The following GDA variants were observed in gnomAD, a reference collection of about 807,000 sequenced individuals.
GDA encodes the protein cytoplasmic PSD-95 interactor.
A neutral mutation model predicts 59.6 loss-of-function variants in GDA; 18 were observed. The observed-to-expected ratio is 0.30, with a 90% CI of 0.21 to 0.45. The LOEUF is 0.45. Ranked by LOEUF, GDA falls within the 20% of genes least tolerant of loss-of-function variation. GDA has a pLI of 1.00. For missense variants in GDA, 427 were observed against 552.3 expected (o/e 0.77, Z 2.27); for synonymous variants, 201 against 201.1 (o/e 1.00, Z 0.00).
intron 2 of GDA, among the ~76,000 whole-genome samples, chr9:72,199,561 T>C (rs192513279): frequency 6.6e-6 from 1 of 152,202 alleles, no homozygotes; most frequent in Non-Finnish European, 1.5e-5. Context: ...CCAAATATTT[T>C]AAAAGGGCGC....
chr9:72,245,769 C>T (rs181715042), intron 12 of GDA, among the ~76,000 whole-genome samples: 57 of 152,206 alleles, frequency 3.7e-4, no homozygotes, highest in African/African-American at 1.2e-3. Context: ...CTACGAGAGG[C>T]GAGGCTCTTG....
intron 4 of GDA, among the ~76,000 whole-genome samples, chr9:72,213,424 G>C (rs746025289): frequency 3.9e-5 from 6 of 152,170 alleles, no homozygotes; most frequent in Non-Finnish European, 8.8e-5. Flanking sequence ...TTCTTAAGTG[G>C]TGTGATGGTG....
At chr9:72,153,186 T>G (rs960435741) in intron 1 of GDA, among the ~76,000 whole-genome samples, 11 of 152,040 alleles carry the variant, frequency 7.2e-5, no homozygotes, top group Non-Finnish European at 1.2e-4. Flanking sequence ...CTGTTTTGGT[T>G]ACTGTAGCCT....
intron 1 of GDA, among the ~76,000 whole-genome samples, chr9:72,128,506 C>T (rs1825922704): frequency 6.6e-6 from 1 of 152,066 alleles, no homozygotes. Flanking sequence ...ATAGCCATTA[C>T]CTTTGCAATA....
At position 72,220,522 on chromosome 9, in the gene GDA, A is replaced by T. The variant is rs557264842; in HGVS notation, c.606+1016A>T. Among the ~76,000 whole-genome samples, 24 of 152,264 alleles carry T rather than the reference A, an allele frequency of 1.6e-4. No homozygotes were observed. The South Asian group carries it at 4.6e-3, about 29-fold the overall frequency. ...AGTTCACTAAGCTTTTAGTTGATCC[A>T]ATTTTTATTAGGACAATCTCAGTCA... On this transcript the variant is annotated intron_variant, in intron 6 of 13. Transcript: ENST00000358399.
At chr9:72,119,852 G>A (rs1250169267) in intron 1 of GDA, among the ~76,000 whole-genome samples, 1 of 152,108 alleles carries the variant, frequency 6.6e-6, no homozygotes, top group African/African-American at 2.4e-5. Context: ...GAGAGACCAT[G>A]GGATGTTTTT....
intron 4 of GDA, 112 bp from the exon 5 acceptor site, chr9:72,213,774 G>A (rs1477178484): frequency 1.2e-5 from 7 of 604,282 alleles, no homozygotes; most frequent in African/African-American, 1.9e-5. Flanking sequence ...CTGCAATCTG[G>A]CCTGGGCTAA....
intron 1 of GDA, among the ~76,000 whole-genome samples, chr9:72,151,049 C>T (rs182869035): frequency 2.3e-4 from 35 of 152,256 alleles, no homozygotes; most frequent in African/African-American, 7.7e-4. Context: ...AAATTAATTT[C>T]CCATATCCAG....
intron 1 of GDA, among the ~76,000 whole-genome samples, chr9:72,128,887 G>GT (rs144362392): frequency 0.16 from 23,682 of 148,300 alleles, 2,413 homozygotes; most frequent in East Asian, 0.51. Context: ...TCTCACTGGA[G>GT]TTTTTTTTTT....
Position 72,121,177 on chromosome 9 carries a change from C to T in GDA, c.-100+6344C>T, listed in dbSNP as rs76446207. Among the ~76,000 whole-genome samples the T allele has an allele frequency of 2.0e-3, 309 of 152,288 alleles. 3 individuals are homozygous for T. The East Asian group carries it at 0.046, about 23-fold the overall frequency. On this transcript the variant is annotated intron_variant, in intron 1 of 13. Coordinates refer to the GDA transcript ENST00000545168. The stretch of plus-strand genomic sequence containing the variant: ...TATTATTTTTCTCAACCTCTTTTTA[C>T]GGTTGATGTTGTTTTCTACATTATG...
At position 72,170,586 on chromosome 9, in the gene GDA, G is replaced by A. The variant is rs565838607; in HGVS notation, c.123+20904G>A. On this transcript the variant is annotated intron_variant, in intron 1 of 13. Transcript: ENST00000358399. ...CTCCCTCATTCGTAAAATGGATATG[G>A]GGAGGCTTACTATTTCCTTACCAGC... 8.5e-5 allele frequency among the ~76,000 whole-genome samples: 13 copies of A among 152,252 alleles called. No individual in the cohort carries two copies. In the South Asian group the frequency reaches 2.7e-3, roughly 32 times the overall value.
intron 10 of GDA, among the ~76,000 whole-genome samples, chr9:72,233,102 A>G (rs1838543979): frequency 6.6e-6 from 1 of 152,118 alleles, no homozygotes; most frequent in East Asian, 1.9e-4. Flanking sequence ...TATTTCCTAA[A>G]CGTGACTTTT....
At chr9:72,160,182 C>A (rs575270549) in intron 1 of GDA, among the ~76,000 whole-genome samples, 4 of 152,116 alleles carry the variant, frequency 2.6e-5, no homozygotes, top group East Asian at 1.9e-4. Context: ...TGGTGGCGGG[C>A]GCCTGTAGTC....
intron 3 of GDA, among the ~76,000 whole-genome samples, chr9:72,206,600 C>T (rs1441821895): frequency 1.3e-5 from 2 of 151,914 alleles, no homozygotes; most frequent in Admixed American, 6.6e-5. Flanking sequence ...TGGTGAGACC[C>T]CGCCTCTACT....
At chr9:72,257,281 G>C (rs955684951), downstream of GDA, 1 of 152,160 alleles carries the variant, frequency 6.6e-6, no homozygotes, top group African/African-American at 2.4e-5. Context: ...GGCTCCTGCT[G>C]CTCCACATAT....
rs892308932 is a variant in GDA at position 72,249,721 on chromosome 9, G to A, written c.*1379G>A. 1.0e-4 allele frequency: 81 copies of A among 792,328 alleles called. No individual in the cohort carries two copies. Among genetic ancestry groups the A allele is most frequent in the Non-Finnish European group, 1.1e-4 (73 of 654,324 alleles). The allele number at this position is 792,328 out of a possible 1,614,324, so 49.1% of individuals were successfully genotyped here. A position where few individuals can be genotyped will look rare whatever the true frequency, so the allele number is the denominator to read the frequency against. On this transcript the variant is annotated 3_prime_UTR_variant, in exon 14 of 14. Transcript: ENST00000358399. ...AAATACTATAAATGAGCAAGGAAAA[G>A]GAATAGACTTTCTTAATATATTATA...
At chr9:72,172,995 A>G (rs1022845148) in intron 1 of GDA, among the ~76,000 whole-genome samples, 4 of 152,240 alleles carry the variant, frequency 2.6e-5, no homozygotes, top group South Asian at 2.1e-4. Flanking sequence ...AAATTATAAC[A>G]CAGTGAGTTA....
chr9:72,129,021 G>A (rs1825940962), intron 1 of GDA, among the ~76,000 whole-genome samples: 1 of 151,344 alleles, frequency 6.6e-6, no homozygotes, highest in African/African-American at 2.4e-5. Flanking sequence ...GAAGTGAAGT[G>A]GCCTGATCTG....
At chr9:72,170,467 C>T (rs1212031864) in intron 1 of GDA, among the ~76,000 whole-genome samples, 2 of 152,148 alleles carry the variant, frequency 1.3e-5, no homozygotes, top group South Asian at 4.1e-4. Context: ...TATTTGGGCA[C>T]AAGCCGGGAT....
Sources: gnomAD v4.1 joint callset for allele counts (sites outside exome capture counted in the v4.1 genomes callset) on GRCh38, gnomAD v4.1.1 for gene constraint, MANE v1.5 for transcripts, NCBI Gene and HGNC (gene_info 2026-07-23, HGNC 2026-07-21) for gene names.